Variants in UGT1A6 observed in about 807,000 individuals in gnomAD.
The protein encoded by UGT1A6 is UDP-glucuronosyltransferase 1A6.
Under a neutral mutation model 44.4 loss-of-function variants are expected in UGT1A6, and 32 were observed. The ratio of observed to expected loss-of-function variants is 0.72; its 90% CI spans 0.54 to 0.97. UGT1A6 has a LOEUF of 0.97. UGT1A6 is among the 50% of genes least tolerant of loss of function. UGT1A6 has a pLI of 0.00. For synonymous variants in UGT1A6, 238 were observed against 248.5 expected (o/e 0.96, Z 0.40); for missense variants, 685 against 661.9 (o/e 1.03, Z -0.38).
At chr2:233,725,279 GGCA>G (rs367576193) in intron 1 of UGT1A6, among the ~76,000 whole-genome samples, 53 of 44,274 alleles carry the variant, frequency 1.2e-3, no homozygotes, top group East Asian at 6.1e-3. Flanking sequence ...CAGAGGCAGA[GGCA>G]GAGGCAGAGG....
chr2:233,707,461 T>G (rs1015244462), intron 1 of UGT1A6, among the ~76,000 whole-genome samples: 1 of 152,148 alleles, frequency 6.6e-6, no homozygotes, highest in African/African-American at 2.4e-5. Flanking sequence ...TAAATTTGCA[T>G]CTGTAAATAA....
intron 1 of UGT1A6, among the ~76,000 whole-genome samples, chr2:233,709,281 C>T (rs2125615008): frequency 6.6e-6 from 1 of 152,106 alleles, no homozygotes; most frequent in East Asian, 1.9e-4. Flanking sequence ...GTGAATTACC[C>T]TTCAATTAAT....
chr2:233,742,265 C>A (rs1188794334), intron 1 of UGT1A6, among the ~76,000 whole-genome samples: 2 of 151,928 alleles, frequency 1.3e-5, no homozygotes, highest in Non-Finnish European at 2.9e-5. Context: ...TGACAGCAAG[C>A]CTGTGATAAG....
chr2:233,739,708 G>C lies in UGT1A6; in HGVS notation c.862-27326G>C, dbSNP rs578128950. Reference sequence around the variant, plus strand: ...TGTTTTTGATTTTACAGGCTCATGGGGGAAGGGACTTGACTTGTCTCAGAT... The same window carrying C: ...TGTTTTTGATTTTACAGGCTCATGGCGGAAGGGACTTGACTTGTCTCAGAT... On this transcript the variant is annotated intron_variant, in intron 1 of 4. Coordinates refer to ENST00000305139, the MANE Select transcript of UGT1A6 (RefSeq NM_001072.4). 2.0e-5 allele frequency among the ~76,000 whole-genome samples: 3 copies of C among 152,316 alleles called. No homozygotes were observed. The East Asian group carries it at 5.8e-4, about 29-fold the overall frequency.
intron 1 of UGT1A6, among the ~76,000 whole-genome samples, chr2:233,694,153 A>T (rs1344933660): frequency 2.0e-5 from 3 of 152,202 alleles, no homozygotes; most frequent in African/African-American, 7.2e-5. Flanking sequence ...GAAATGTCCC[A>T]GTTCAAACAG....
chr2:233,759,887 T>G (rs1697280307), intron 1 of UGT1A6, among the ~76,000 whole-genome samples: 1 of 152,200 alleles, frequency 6.6e-6, no homozygotes, highest in African/African-American at 2.4e-5. Flanking sequence ...GTTCTTTTCT[T>G]TCTAAAAGGC....
intron 1 of UGT1A6, chr2:233,760,764 C>A (rs199766420): frequency 8.1e-6 from 13 of 1,614,088 alleles, no homozygotes; most frequent in Non-Finnish European, 1.0e-5. Context: ...GCAGCCCCAT[C>A]GTGGCCCAGT....
In UGT1A6 at chr2:233,713,892, C is replaced by G. The variant is rs892601448; in HGVS notation, c.861+20027C>G. On this transcript the variant is annotated intron_variant, in intron 1 of 4. Transcript: ENST00000305139. ...TGGTGCCTTTATCCAATCAATGTTC[C>G]AGGCAAAACACTTTTTAAAAAATGT... 5.0e-6 allele frequency: 8 copies of G among 1,613,198 alleles called. No individual in the cohort carries two copies. In the African/African-American group the frequency reaches 1.1e-4, roughly 22 times the overall value.
intron 1 of UGT1A6, among the ~76,000 whole-genome samples, chr2:233,727,601 G>A (rs565458443): frequency 3.4e-4 from 52 of 152,170 alleles, no homozygotes; most frequent in Non-Finnish European, 4.4e-4. Flanking sequence ...GGGGGTTGGA[G>A]GAATAGTTCA....
intron 1 of UGT1A6, chr2:233,718,821 A>G: frequency 1.2e-6 from 2 of 1,613,492 alleles, no homozygotes; most frequent in Non-Finnish European, 1.7e-6. Flanking sequence ...TTCTGCTGAG[A>G]TGGCCAGAGG....
rs568508589 is a variant in UGT1A6, at chr2:233,772,293, C to T, written c.1333C>T (p.Leu445Phe). ...YKENIMRLSS[L>F]HKDRPVEPLD... Reference sequence around the variant, plus strand: ...GGAGAACATCATGCGCCTCTCCAGCCTTCACAAGGACCGCCCGGTGGAGCC... The same window carrying T: ...GGAGAACATCATGCGCCTCTCCAGCTTTCACAAGGACCGCCCGGTGGAGCC... The change falls in exon 5 of 5, where the codon CTT becomes TTT. Residue 445 changes from leucine (L) to phenylalanine (F), a missense_variant. Transcript: ENST00000305139. 1.2e-6 allele frequency: 2 copies of T among 1,614,258 alleles called. No homozygotes were observed. Among genetic ancestry groups the T allele is most frequent in the Non-Finnish European group, 1.7e-6 (2 of 1,180,050 alleles).
rs760077462 is a variant in UGT1A6, at chr2:233,725,078, TC to T, written c.861+31214del. Among the ~76,000 whole-genome samples, 17 of 144,282 alleles carry T rather than the reference TC, an allele frequency of 1.2e-4. 2 individuals carry two copies. Among genetic ancestry groups the T allele is most frequent in the Non-Finnish European group, 2.4e-4 (16 of 65,662 alleles). The allele number at this position is 144,282 out of a possible 152,430, so 94.7% of individuals were successfully genotyped here. On this transcript the variant is annotated intron_variant, in intron 1 of 4. Coordinates refer to ENST00000305139, the MANE Select transcript of UGT1A6 (RefSeq NM_001072.4). ...GGCGCGCGCCTGCAATCGCAGGCAC[TC>T]GGCAGGCTGAGGCAGGAGAATCAGG...
chr2:233,728,571 T>C lies in UGT1A6; in HGVS notation c.861+34706T>C, dbSNP rs61764026. 1.2e-3 allele frequency among the ~76,000 whole-genome samples: 176 copies of C among 152,316 alleles called. 7 individuals carry two copies. The East Asian group carries it at 0.026, about 22-fold the overall frequency. ...CTGATCCTTACAAGAAATATCCTGGTGCGAAAAACGACCAAAACCACATAG... is the reference window on the plus strand; with the variant it reads ...CTGATCCTTACAAGAAATATCCTGGCGCGAAAAACGACCAAAACCACATAG... On this transcript the variant is annotated intron_variant, in intron 1 of 4. Coordinates refer to ENST00000305139, the MANE Select transcript of UGT1A6 (RefSeq NM_001072.4).
At chr2:233,711,626 G>A (rs1104892) in intron 1 of UGT1A6, among the ~76,000 whole-genome samples, 87,037 of 152,060 alleles carry the variant, frequency 0.57, 26,823 homozygotes, top group African/African-American at 0.81. Context: ...AGCTCCATTC[G>A]CTGCCTGTCC....
At chr2:233,767,568 T>C (rs1394271023) in intron 2 of UGT1A6, among the ~76,000 whole-genome samples, 2 of 152,252 alleles carry the variant, frequency 1.3e-5, no homozygotes, top group African/African-American at 4.8e-5. Flanking sequence ...CTTGTTTCAT[T>C]AAGCAAACTT....
Position 233,725,630 on chromosome 2 carries a change from A to G in UGT1A6, c.861+31765A>G, listed in dbSNP as rs544565548. ...TCTTGCTAAGTCTTCAAAATCTAGCATATATCTGACATTTACAGCATATCT... is the reference window on the plus strand; with the variant it reads ...TCTTGCTAAGTCTTCAAAATCTAGCGTATATCTGACATTTACAGCATATCT... On this transcript the variant is annotated intron_variant, in intron 1 of 4. Transcript: ENST00000305139. 6.6e-5 allele frequency among the ~76,000 whole-genome samples: 10 copies of G among 152,292 alleles called. No individual in the cohort carries two copies. The South Asian group carries it at 1.5e-3, about 22-fold the overall frequency.
upstream of UGT1A6, chr2:233,692,779 C>A: frequency 7.6e-7 from 1 of 1,320,382 alleles, no homozygotes; most frequent in Non-Finnish European, 9.8e-7. Flanking sequence ...CACCCAGAAG[C>A]TCAGGTGAAA....
rs371916153 is a variant in UGT1A6, at chr2:233,743,676, T to C, written c.862-23358T>C. On this transcript the variant is annotated intron_variant, in intron 1 of 4. Coordinates refer to ENST00000305139, the MANE Select transcript of UGT1A6 (RefSeq NM_001072.4). Reference sequence around the variant, plus strand: ...TACTCGAAGGGGTCCTCGAAGGGCCTGCCGCCTGTGCAGCCGCCCTCCGCC... The same window carrying C: ...TACTCGAAGGGGTCCTCGAAGGGCCCGCCGCCTGTGCAGCCGCCCTCCGCC... 1.7e-5 allele frequency: 23 copies of C among 1,367,108 alleles called. No homozygotes were observed. In the African/African-American group the frequency reaches 3.1e-4, roughly 19 times the overall value. The allele number at this position is 1,367,108 out of a possible 1,614,324, so 84.7% of individuals were successfully genotyped here. A position where few individuals can be genotyped will look rare whatever the true frequency, so the allele number is the denominator to read the frequency against.
At chr2:233,706,491 C>T (rs1051285844) in intron 1 of UGT1A6, among the ~76,000 whole-genome samples, 1 of 152,182 alleles carries the variant, frequency 6.6e-6, no homozygotes, top group Non-Finnish European at 1.5e-5. Context: ...TGAGGGTGTC[C>T]AGGCTGGTGT....
Sources: gnomAD v4.1 joint callset for allele counts (sites outside exome capture counted in the v4.1 genomes callset) on GRCh38, gnomAD v4.1.1 for gene constraint, MANE v1.5 for transcripts, NCBI Gene and HGNC (gene_info 2026-07-23, HGNC 2026-07-21) for gene names.